The following GABRR2 variants were observed in gnomAD, a reference collection of about 807,000 sequenced individuals.
The protein encoded by GABRR2 is gamma-aminobutyric acid receptor subunit rho-2.
GABRR2 carries 36 observed loss-of-function variants against 47.0 expected under a neutral mutation model. The ratio of observed to expected loss-of-function variants is 0.77; its 90% confidence interval spans 0.59 to 1.01. The LOEUF (loss-of-function observed/expected upper bound fraction) is 1.01, where lower values mean the gene tolerates loss of function less well. GABRR2 is among the 50% of genes least tolerant of loss of function. GABRR2 has a pLI of 0.00. For missense variants in GABRR2, 587 were observed against 594.6 expected, an observed-to-expected ratio of 0.99 and a Z score of 0.13; for synonymous variants, 204 against 227.5, an observed-to-expected ratio of 0.90 and a Z score of 0.93.
At chr6:89,263,288 T>C (rs1773793610) in intron 8 of GABRR2, among the ~76,000 whole-genome samples, 1 of 152,232 alleles carries the variant, frequency 6.6e-6, no homozygotes, top group Non-Finnish European at 1.5e-5. Flanking sequence ...CTTACTTTAT[T>C]GTAAGAATAC....
chr6:89,289,769 A>G (rs1335824242), intron 2 of GABRR2, among the ~76,000 whole-genome samples: 1 of 152,198 alleles, frequency 6.6e-6, no homozygotes, highest in African/African-American at 2.4e-5. Context: ...AGAATACCTG[A>G]GGCTGGGTAA....
rs770317024 is a variant in GABRR2, at chr6:89,299,769, G to A, written c.210C>T (p.Pro70=). 8.7e-6 allele frequency: 14 copies of A among 1,612,596 alleles called. No individual in the cohort carries two copies. The highest frequency in any genetic ancestry group is 6.7e-5 in the African/African-American group (5 of 74,896). ...GAAGAACAGTCCTACCTCCGAAGGC[G>A]GGTCTCATGCTGAAGTCGTGCTCGT... ...RVDEHDFSMR[P]AFGGPAIPVG... The change falls in exon 2 of 9, where the codon CCC becomes CCT. Residue 70 remains proline (P), a synonymous_variant. Coordinates refer to ENST00000402938, the MANE Select transcript of GABRR2 (RefSeq NM_002043.5).
intron 2 of GABRR2, among the ~76,000 whole-genome samples, chr6:89,271,992 C>T (rs1046929633): frequency 3.9e-5 from 6 of 152,208 alleles, no homozygotes; most frequent in African/African-American, 1.2e-4. Flanking sequence ...AGCTGATCAC[C>T]ACTTTTTACA....
At chr6:89,292,829 C>CATATA (rs144338626) in intron 2 of GABRR2, among the ~76,000 whole-genome samples, 8,408 of 19,632 alleles carry the variant, frequency 0.43, 2,044 homozygotes, top group East Asian at 0.79. Context: ...TCGTATATAT[C>CATATA]GTATATACGA....
chr6:89,284,566 C>T (rs975478057), intron 2 of GABRR2, among the ~76,000 whole-genome samples: 1 of 152,190 alleles, frequency 6.6e-6, no homozygotes, highest in African/African-American at 2.4e-5. Context: ...GTTTAAGCAA[C>T]TTAGCCCGCT....
chr6:89,268,083 C>T lies in GABRR2; in HGVS notation c.526G>A (p.Ala176Thr). Residue 176 changes from alanine (A) to threonine (T), a missense_variant, in exon 5 of 9, where the codon GCC becomes ACC. Ala to Thr is a moderately conservative substitution (Grantham distance 58). Coordinates refer to ENST00000402938, the MANE Select transcript of GABRR2 (RefSeq NM_002043.5). Reference protein sequence around the residue: ...VLYSMRITVTAMCNMDFSHFP... With the variant: ...VLYSMRITVTTMCNMDFSHFP... ...TGGCTGAAGTCCATGTTGCACATGG[C>T]AGTGACCGTAATCCTAGACAACCCA... 1.2e-6 allele frequency: 2 copies of T among 1,609,278 alleles called. No individual in the cohort carries two copies. Among genetic ancestry groups the T allele is most frequent in the South Asian group, 1.1e-5 (1 of 90,100 alleles).
At chr6:89,274,298 A>C (rs1300421354) in intron 2 of GABRR2, among the ~76,000 whole-genome samples, 6 of 152,136 alleles carry the variant, frequency 3.9e-5, no homozygotes, top group Non-Finnish European at 8.8e-5. Context: ...CTCGCACCTC[A>C]AGTTTCAACA....
intron 1 of GABRR2, among the ~76,000 whole-genome samples, chr6:89,308,789 T>G (rs964511305): frequency 1.3e-5 from 2 of 152,190 alleles, no homozygotes; most frequent in African/African-American, 4.8e-5. Context: ...AGTTCCCCAA[T>G]TCCTAGACTC....
intron 1 of GABRR2, among the ~76,000 whole-genome samples, chr6:89,306,039 AAG>A (rs1373522661): frequency 1.3e-5 from 2 of 151,644 alleles, no homozygotes; most frequent in Non-Finnish European, 2.9e-5. Context: ...AAAAAAGAAA[AAG>A]AAAATGATTG....
intron 2 of GABRR2, among the ~76,000 whole-genome samples, chr6:89,282,646 G>C (rs1774269406): frequency 1.3e-5 from 2 of 152,252 alleles, no homozygotes; most frequent in Non-Finnish European, 2.9e-5. Context: ...TTGTTTGGGA[G>C]AAAGTGTGGC....
chr6:89,265,046 G>A (rs1773858005), intron 7 of GABRR2, among the ~76,000 whole-genome samples: 1 of 152,066 alleles, frequency 6.6e-6, no homozygotes, highest in South Asian at 2.1e-4. Context: ...CCCATCATGC[G>A]GGATTCTTCT....
At chr6:89,268,823 G>T (rs1027059359) in intron 4 of GABRR2, among the ~76,000 whole-genome samples, 188 bp downstream of exon 4, 1 of 152,194 alleles carries the variant, frequency 6.6e-6, no homozygotes, top group Non-Finnish European at 1.5e-5. Flanking sequence ...AAGACCCCCA[G>T]TGATGGGGAA....
At chr6:89,295,254 C>T (rs1774534308) in intron 2 of GABRR2, among the ~76,000 whole-genome samples, 1 of 152,218 alleles carries the variant, frequency 6.6e-6, no homozygotes, top group Non-Finnish European at 1.5e-5. Flanking sequence ...TACAGTCCCA[C>T]CAACAGTGTA....
At chr6:89,291,117 A>C (rs1774432938) in intron 2 of GABRR2, among the ~76,000 whole-genome samples, 1 of 152,112 alleles carries the variant, frequency 6.6e-6, no homozygotes, top group African/African-American at 2.4e-5. Context: ...CCCAGGTCAC[A>C]CACTCAGGAG....
intron 1 of GABRR2, chr6:89,301,853 T>C: frequency 8.8e-7 from 1 of 1,139,044 alleles, no homozygotes; most frequent in Non-Finnish European, 1.3e-6. Flanking sequence ...TGGGAAGTCA[T>C]CAGTGATGAG....
chr6:89,300,653 C>A (rs1767404991), intron 1 of GABRR2, among the ~76,000 whole-genome samples: 1 of 142,478 alleles, frequency 7.0e-6, no homozygotes, highest in Admixed American at 7.8e-5. Context: ...CACCCCAAAC[C>A]AAATAGTGAA....
intron 2 of GABRR2, among the ~76,000 whole-genome samples, chr6:89,277,600 T>C (rs1419498479): frequency 6.6e-6 from 1 of 151,188 alleles, no homozygotes; most frequent in East Asian, 1.9e-4. Context: ...ATGCCCACCA[T>C]TACACATGTA....
At chr6:89,290,835 C>A (rs9451196) in intron 2 of GABRR2, among the ~76,000 whole-genome samples, 1 of 152,010 alleles carries the variant, frequency 6.6e-6, no homozygotes, top group East Asian at 1.9e-4. Context: ...TCCCATCGGG[C>A]GGCTTTTTCC....
In GABRR2 at chr6:89,302,924, T is replaced by C. The variant is rs533517270; in HGVS notation, c.114-3059A>G. The C allele has an allele frequency of 9.8e-5, 116 of 1,180,712 alleles. No homozygotes were observed. In the African/African-American group the frequency reaches 1.6e-3, roughly 16 times the overall value. The allele number at this position is 1,180,712 out of a possible 1,614,324, so 73.1% of individuals were successfully genotyped here. On this transcript the variant is annotated intron_variant, in intron 1 of 8. Transcript: ENST00000402938. ...AGCATCTCAGAGCAGTTCACGGACATGTTCCAGCACAAGGCCTTCCTACAC... is the reference window on the plus strand; with the variant it reads ...AGCATCTCAGAGCAGTTCACGGACACGTTCCAGCACAAGGCCTTCCTACAC...
Sources: allele counts gnomAD v4.1 joint callset (sites outside exome capture counted in the v4.1 genomes callset), GRCh38; gene constraint gnomAD v4.1.1; transcripts MANE v1.5; gene names NCBI Gene and HGNC (gene_info 2026-07-23, HGNC 2026-07-21).